XPA: variants seen among roughly 807,000 people sequenced by gnomAD.
The protein encoded by XPA is XPA, DNA damage recognition and repair factor, also known as DNA repair protein complementing XP-A cells.
Under a neutral mutation model 35.7 loss-of-function variants are expected in XPA, and 27 were observed. The observed-to-expected ratio is 0.76, with a 90% CI of 0.56 to 1.04. XPA has a LOEUF of 1.04. Among genes scored for constraint, XPA ranks in the 50% least tolerant of loss-of-function variants. The pLI, the probability that XPA is intolerant of heterozygous loss-of-function variation, is 0.00. For synonymous variants in XPA, 133 were observed against 118.4 expected, an observed-to-expected ratio of 1.12 and a Z score of -0.80; for missense variants, 354 against 342.7, an observed-to-expected ratio of 1.03 and a Z score of -0.26.
At chr9:97,660,976 G>C in the XPA span, 1 of 1,612,302 alleles carries the variant, frequency 6.2e-7, no homozygotes, top group South Asian at 1.1e-5. Context: ...GTTGCCCTCT[G>C]TTTAGCTGTT....
At chr9:97,689,271 A>C (rs1254086189) in intron 3 of XPA, among the ~76,000 whole-genome samples, 7 of 152,138 alleles carry the variant, frequency 4.6e-5, no homozygotes, top group South Asian at 4.1e-4. Flanking sequence ...AAAACAAAAA[A>C]AAACTCAGGC....
At chr9:97,655,336 T>C in the XPA span, among the ~76,000 whole-genome samples, 7 of 152,162 alleles carry the variant, frequency 4.6e-5, no homozygotes, top group Admixed American at 4.6e-4. Context: ...TTAGTCTCCA[T>C]CCCGAGTAGC....
chr9:97,655,016 A>T, the XPA span: 1 of 1,251,474 alleles, frequency 8.0e-7, no homozygotes, highest in Non-Finnish European at 1.1e-6. Context: ...GGAATTTGAG[A>T]AAGACATTTT....
rs1008189080 is a variant in XPA at position 97,684,905 on chromosome 9, T to C, written c.673+18A>G. 1.9e-6 allele frequency: 3 copies of C among 1,594,526 alleles called. No homozygotes were observed. The highest frequency in any genetic ancestry group is 2.6e-6 in the Non-Finnish European group (3 of 1,162,580). On this transcript the variant is annotated intron_variant, in intron 5 of 5. Coordinates refer to ENST00000375128, the MANE Select transcript of XPA (RefSeq NM_000380.4). ...TGGTAAAACACAATCCTTCACGATA[T>C]AAAATGTGGCCATCTACCTTTTACT...
At chr9:97,679,369 C>T (rs1828468724) in intron 5 of XPA, among the ~76,000 whole-genome samples, 1 of 151,102 alleles carries the variant, frequency 6.6e-6, no homozygotes, top group East Asian at 1.9e-4. Context: ...TATTATTATC[C>T]TTGCAATTTT....
chr9:97,679,250 A>G (rs1252764358), intron 5 of XPA, among the ~76,000 whole-genome samples: 1 of 152,222 alleles, frequency 6.6e-6, no homozygotes, highest in Non-Finnish European at 1.5e-5. Flanking sequence ...ATGGTTCGGA[A>G]AAAAATAAAT....
chr9:97,666,791 A>T, the XPA span: 13 of 1,608,560 alleles, frequency 8.1e-6, 1 homozygote, highest in East Asian at 1.1e-4. Context: ...TTTGCACTCT[A>T]CAATTCGTAA....
At chr9:97,672,329 A>G (rs2131375085), downstream of XPA, 1 of 152,226 alleles carries the variant, frequency 6.6e-6, no homozygotes, top group South Asian at 2.1e-4. Context: ...TTACATCCCA[A>G]GTTTATGATG....
the XPA span, among the ~76,000 whole-genome samples, chr9:97,666,531 C>T: frequency 2.0e-5 from 3 of 152,188 alleles, no homozygotes; most frequent in Non-Finnish European, 4.4e-5. Context: ...AAAATGACTA[C>T]ACAGTGCTGC....
At chr9:97,671,108 A>G (rs775998628), downstream of XPA, 1 of 1,612,186 alleles carries the variant, frequency 6.2e-7, no homozygotes, top group South Asian at 1.1e-5. Context: ...ATCCAGCAGT[A>G]CATGGTGACC....
the XPA span, chr9:97,664,213 A>G: frequency 3.6e-6 from 2 of 551,884 alleles, no homozygotes; most frequent in Non-Finnish European, 6.5e-6. Flanking sequence ...TGATCAATCA[A>G]TTCCATAGCC....
the XPA span, among the ~76,000 whole-genome samples, chr9:97,664,160 CAG>C: frequency 6.6e-6 from 1 of 152,056 alleles, no homozygotes; most frequent in Non-Finnish European, 1.5e-5. Context: ...GCCTAGGTGA[CAG>C]AGCAACTCTG....
chr9:97,689,405 A>G (rs1037353303), intron 3 of XPA, 129 bp downstream of exon 3: 3 of 700,918 alleles, frequency 4.3e-6, no homozygotes, highest in Admixed American at 4.9e-5. Context: ...AACCATAGAA[A>G]TTTTAGGAAA....
At chr9:97,660,656 A>C in the XPA span, among the ~76,000 whole-genome samples, 185 of 152,310 alleles carry the variant, frequency 1.2e-3, 1 homozygote, top group Middle Eastern at 6.8e-3. Flanking sequence ...TCTCCTTACC[A>C]TTCATCTTGA....
chr9:97,681,034 A>C (rs1193380099), intron 5 of XPA, among the ~76,000 whole-genome samples: 2 of 152,230 alleles, frequency 1.3e-5, no homozygotes, highest in Non-Finnish European at 2.9e-5. Context: ...TGTTACTGAT[A>C]TATTCAGGGA....
chr9:97,693,084 T>C (rs1828940692), intron 2 of XPA, among the ~76,000 whole-genome samples: 1 of 151,648 alleles, frequency 6.6e-6, no homozygotes, highest in Admixed American at 6.6e-5. Flanking sequence ...AGCTGTTATA[T>C]TGCACTGTTG....
intron 5 of XPA, among the ~76,000 whole-genome samples, chr9:97,683,837 T>G (rs553386015): frequency 6.8e-6 from 1 of 146,746 alleles, no homozygotes; most frequent in African/African-American, 2.8e-5. Flanking sequence ...TTTTTTGTTT[T>G]TAAGACATCT....
At chr9:97,654,740 AAAAC>A in the XPA span, 2 of 784,024 alleles carry the variant, frequency 2.6e-6, no homozygotes, top group African/African-American at 3.5e-5. Context: ...AGAAAAAACA[AAAAC>A]AAGATTGATT....
chr9:97,690,754 C>T (rs1027484629), intron 2 of XPA, among the ~76,000 whole-genome samples: 1 of 152,108 alleles, frequency 6.6e-6, no homozygotes, highest in Non-Finnish European at 1.5e-5. Context: ...AACTCCTGAC[C>T]GCAGGTGATC....
Sources: gnomAD v4.1 joint callset for allele counts (sites outside exome capture counted in the v4.1 genomes callset) on GRCh38, gnomAD v4.1.1 for gene constraint, MANE v1.5 for transcripts, NCBI Gene and HGNC (gene_info 2026-07-23, HGNC 2026-07-21) for gene names.